Variants in NCAM2 observed in about 807,000 individuals in gnomAD.
NCAM2 encodes the protein neural cell adhesion molecule 2, also known as N-CAM-2.
In NCAM2, 30 loss-of-function variants were observed where a neutral mutation model predicts 98.1. The ratio of observed to expected loss-of-function variants is 0.31; its 90% CI spans 0.23 to 0.41. The LOEUF is 0.41. Among genes scored for constraint, NCAM2 ranks in the 10% least tolerant of loss-of-function variants. NCAM2 has a pLI of 1.00. For synonymous variants in NCAM2, 368 were observed against 342.4 expected (o/e 1.07, Z -0.83); for missense variants, 867 against 1,005.8 (o/e 0.86, Z 1.87).
chr21:21,157,573 G>T (rs1030537460), intron 1 of NCAM2, among the ~76,000 whole-genome samples: 3 of 151,952 alleles, frequency 2.0e-5, no homozygotes, highest in Non-Finnish European at 4.4e-5. Context: ...TAAATGAAGG[G>T]GAGGAATTAA....
At chr21:21,255,206 A>G (rs191148087) in intron 1 of NCAM2, among the ~76,000 whole-genome samples, 1 of 152,138 alleles carries the variant, frequency 6.6e-6, no homozygotes. Context: ...ACTGGATCAG[A>G]GTTATCCCCG....
intron 8 of NCAM2, among the ~76,000 whole-genome samples, chr21:21,344,684 A>C (rs2075140164): frequency 6.6e-6 from 1 of 152,096 alleles, no homozygotes; most frequent in Non-Finnish European, 1.5e-5. Flanking sequence ...CTCTGGACCC[A>C]CCTGGGGCAA....
chr21:21,206,067 A>T (rs2069426205), intron 1 of NCAM2, among the ~76,000 whole-genome samples: 1 of 152,060 alleles, frequency 6.6e-6, no homozygotes, highest in Non-Finnish European at 1.5e-5. Context: ...AACTTATTCA[A>T]TTTCATCTCT....
intron 8 of NCAM2, among the ~76,000 whole-genome samples, chr21:21,350,334 A>G (rs1368975478): frequency 6.6e-6 from 1 of 152,198 alleles, no homozygotes; most frequent in Non-Finnish European, 1.5e-5. Flanking sequence ...AATGGGTTAA[A>G]GTTTTAATAA....
At chr21:21,230,583 T>C (rs1384509506) in intron 1 of NCAM2, among the ~76,000 whole-genome samples, 1 of 151,338 alleles carries the variant, frequency 6.6e-6, no homozygotes, top group Admixed American at 6.6e-5. Flanking sequence ...CCCACTCTCA[T>C]CTCATCACGA....
intron 1 of NCAM2, among the ~76,000 whole-genome samples, chr21:21,136,406 T>C (rs1051393995): frequency 6.6e-6 from 1 of 151,938 alleles, no homozygotes; most frequent in African/African-American, 2.4e-5. Flanking sequence ...ATCTTTCTGA[T>C]GGATTTATCT....
intron 11 of NCAM2, among the ~76,000 whole-genome samples, chr21:21,418,806 T>TCAGTGGTACGGTAGGGCTATAATAGTTCA (rs2077046635): frequency 6.6e-6 from 1 of 152,100 alleles, no homozygotes; most frequent in Non-Finnish European, 1.5e-5. Flanking sequence ...GATATGCTGT[T>TCAGTGGTACGGTAGGGCTATAATAGTTCA]CAGTGGTACG....
chr21:21,105,988 T>C (rs2066336586), intron 1 of NCAM2, among the ~76,000 whole-genome samples: 1 of 152,200 alleles, frequency 6.6e-6, no homozygotes, highest in South Asian at 2.1e-4. Context: ...ATCATTAATC[T>C]ATATATATAA....
At chr21:21,375,794 C>T (rs970863039) in intron 9 of NCAM2, among the ~76,000 whole-genome samples, 2 of 151,242 alleles carry the variant, frequency 1.3e-5, no homozygotes, top group Non-Finnish European at 3.0e-5. Context: ...ATGAGACCTC[C>T]TGGCCTCTTC....
intron 15 of NCAM2, among the ~76,000 whole-genome samples, chr21:21,481,922 A>T (rs1985922469): frequency 6.6e-6 from 1 of 152,110 alleles, no homozygotes; most frequent in Non-Finnish European, 1.5e-5. Context: ...ACATAGTGAA[A>T]CCCTGTCTCT....
intron 1 of NCAM2, among the ~76,000 whole-genome samples, chr21:21,073,657 C>A (rs2065619468): frequency 6.6e-6 from 1 of 152,124 alleles, no homozygotes; most frequent in Non-Finnish European, 1.5e-5. Context: ...TTTCACTGTA[C>A]CTTTAACATA....
chr21:21,266,636 C>T (rs1464704837), intron 1 of NCAM2, among the ~76,000 whole-genome samples: 2 of 151,956 alleles, frequency 1.3e-5, no homozygotes, highest in Non-Finnish European at 2.9e-5. Context: ...AAAACAAACA[C>T]CGTGTGTTCT....
At chr21:21,474,444 T>C (rs1014872469) in intron 14 of NCAM2, among the ~76,000 whole-genome samples, 9 of 152,092 alleles carry the variant, frequency 5.9e-5, no homozygotes, top group Non-Finnish European at 1.2e-4. Flanking sequence ...TTTCCAAAAA[T>C]GGTATTTTTG....
At chr21:21,222,944 A>T (rs1306498366) in intron 1 of NCAM2, among the ~76,000 whole-genome samples, 1 of 152,178 alleles carries the variant, frequency 6.6e-6, no homozygotes, top group Non-Finnish European at 1.5e-5. Context: ...AGAAATTGGC[A>T]CAACCACCTC....
chr21:21,198,821 A>C (rs2069104565), intron 1 of NCAM2, among the ~76,000 whole-genome samples: 1 of 152,188 alleles, frequency 6.6e-6, no homozygotes, highest in African/African-American at 2.4e-5. Flanking sequence ...TTTCTGAATG[A>C]ATATAAATGT....
chr21:21,072,942 A>G (rs1311852637), intron 1 of NCAM2, among the ~76,000 whole-genome samples: 1 of 152,108 alleles, frequency 6.6e-6, no homozygotes, highest in Non-Finnish European at 1.5e-5. Context: ...TCAACTTCTC[A>G]AACTGAAACT....
At chr21:21,040,684 G>A (rs1330979317) in intron 1 of NCAM2, among the ~76,000 whole-genome samples, 4 of 152,098 alleles carry the variant, frequency 2.6e-5, no homozygotes, top group Non-Finnish European at 5.9e-5. Flanking sequence ...GTCAGGCACA[G>A]AAAGACAAAT....
intron 1 of NCAM2, chr21:21,210,473 T>C (rs1227664740): frequency 1.7e-6 from 2 of 1,204,572 alleles, no homozygotes; most frequent in African/African-American, 3.2e-5. Flanking sequence ...GTAAGAATTC[T>C]TCATGAAGTA....
chr21:21,239,838 T>G (rs551001859), intron 1 of NCAM2, among the ~76,000 whole-genome samples: 1 of 152,200 alleles, frequency 6.6e-6, no homozygotes, highest in Non-Finnish European at 1.5e-5. Context: ...AAAATTGAGG[T>G]TGGGATTCTT....
Sources: allele counts gnomAD v4.1 joint callset (sites outside exome capture counted in the v4.1 genomes callset), GRCh38; gene constraint gnomAD v4.1.1; transcripts MANE v1.5; gene names NCBI Gene and HGNC (gene_info 2026-07-23, HGNC 2026-07-21).